The following PRKN variants were observed in gnomAD, a reference collection of about 807,000 sequenced individuals.
The protein encoded by PRKN is E3 ubiquitin-protein ligase parkin.
Under a neutral mutation model 59.5 loss-of-function variants are expected in PRKN, and 56 were observed. The observed-to-expected ratio is 0.94, with a 90% CI of 0.76 to 1.18. The LOEUF is 1.18. PRKN is among the 50% of genes most tolerant of loss of function. PRKN has a pLI of 0.00. For missense variants in PRKN, 657 were observed against 596.4 expected (o/e 1.10, Z -1.06); for synonymous variants, 250 against 222.1 (o/e 1.13, Z -1.12).
chr6:162,054,774 G>T (rs1172775942), intron 4 of PRKN, among the ~76,000 whole-genome samples: 1 of 152,204 alleles, frequency 6.6e-6, no homozygotes, highest in African/African-American at 2.4e-5. Flanking sequence ...CATTTAAAAT[G>T]AAATATCAGT....
chr6:162,176,788 T>C (rs1371643677), intron 4 of PRKN, among the ~76,000 whole-genome samples: 3 of 152,138 alleles, frequency 2.0e-5, no homozygotes, highest in South Asian at 2.1e-4. Context: ...CTATCTGCCA[T>C]AAATACGGCT....
chr6:162,675,206 C>T (rs1003820032), intron 1 of PRKN, among the ~76,000 whole-genome samples: 6 of 151,976 alleles, frequency 3.9e-5, no homozygotes, highest in African/African-American at 4.8e-5. Flanking sequence ...CACCACCACA[C>T]GCCTGGCTAA....
At chr6:161,889,207 G>A (rs976752111) in intron 6 of PRKN, among the ~76,000 whole-genome samples, 2 of 152,050 alleles carry the variant, frequency 1.3e-5, no homozygotes, top group Non-Finnish European at 2.9e-5. Flanking sequence ...GGGTATCTGA[G>A]GGTCACCGAA....
In PRKN at chr6:161,874,214, TATA is replaced by T. The variant is rs1304339543; in HGVS notation, c.735-88309_735-88307del. On this transcript the variant is annotated intron_variant, in intron 6 of 11. Transcript: ENST00000366898. ...TATATAATATATATTATATGTAAAA[TATA>T]ATATATATTATATATAATATATAAT... 1.8e-4 allele frequency among the ~76,000 whole-genome samples: 8 copies of T among 43,776 alleles called. 1 individual carries two copies. Among genetic ancestry groups the T allele is most frequent in the African/African-American group, 6.9e-4 (7 of 10,094 alleles). 28.7% of individuals were successfully genotyped at this position (43,776 alleles called of 152,430 possible). A position where few individuals can be genotyped will look rare whatever the true frequency, so the allele number is the denominator to read the frequency against.
chr6:162,432,732 G>A (rs1370876240), intron 2 of PRKN, among the ~76,000 whole-genome samples: 1 of 152,086 alleles, frequency 6.6e-6, no homozygotes, highest in Non-Finnish European at 1.5e-5. Context: ...GTCTTAGAAT[G>A]TATTTTCTCT....
intron 5 of PRKN, among the ~76,000 whole-genome samples, chr6:162,036,892 A>G (rs1783871234): frequency 6.6e-6 from 1 of 152,228 alleles, no homozygotes; most frequent in South Asian, 2.1e-4. Flanking sequence ...TAACCATAAT[A>G]GTAAGCAATA....
intron 7 of PRKN, among the ~76,000 whole-genome samples, chr6:161,755,419 T>C (rs1788874474): frequency 1.3e-5 from 2 of 152,114 alleles, no homozygotes; most frequent in South Asian, 2.1e-4. Flanking sequence ...GGAAAGTACT[T>C]GATAACTGTT....
chr6:161,742,046 T>C (rs1206691623), intron 7 of PRKN, among the ~76,000 whole-genome samples: 5 of 152,152 alleles, frequency 3.3e-5, no homozygotes, highest in Non-Finnish European at 7.3e-5. Context: ...CTTGGCACGC[T>C]GCAACCTCCG....
intron 4 of PRKN, among the ~76,000 whole-genome samples, chr6:162,125,546 C>G (rs910179712): frequency 8.5e-5 from 13 of 152,098 alleles, no homozygotes; most frequent in African/African-American, 2.9e-4. Context: ...GGTTAGAACA[C>G]GATTACCCCT....
intron 1 of PRKN, among the ~76,000 whole-genome samples, chr6:162,611,399 A>G (rs550404952): frequency 6.6e-6 from 1 of 152,236 alleles, no homozygotes; most frequent in Admixed American, 6.5e-5. Flanking sequence ...TCGAAAAACA[A>G]CATACAACTA....
intron 3 of PRKN, among the ~76,000 whole-genome samples, chr6:162,205,874 T>G (rs1784913588): frequency 6.6e-6 from 1 of 152,152 alleles, no homozygotes; most frequent in Non-Finnish European, 1.5e-5. Context: ...TAAATAGCTG[T>G]CTGTGGGTAG....
intron 4 of PRKN, among the ~76,000 whole-genome samples, chr6:162,109,312 T>C (rs545160132): frequency 1.3e-5 from 2 of 152,268 alleles, no homozygotes; most frequent in African/African-American, 4.8e-5. Flanking sequence ...TGGAAGAATA[T>C]ACAGAGAGAG....
chr6:162,170,164 C>A (rs1783204473), intron 4 of PRKN, among the ~76,000 whole-genome samples: 1 of 152,156 alleles, frequency 6.6e-6, no homozygotes, highest in Non-Finnish European at 1.5e-5. Context: ...TACTCTCTGT[C>A]TCCATACCCT....
chr6:161,953,016 C>T (rs978572993), intron 6 of PRKN, among the ~76,000 whole-genome samples: 4 of 152,192 alleles, frequency 2.6e-5, no homozygotes, highest in African/African-American at 9.7e-5. Context: ...TCATTGACTA[C>T]ACACAAATGT....
intron 6 of PRKN, among the ~76,000 whole-genome samples, chr6:161,815,700 G>A (rs923927384): frequency 1.3e-5 from 2 of 152,196 alleles, no homozygotes; most frequent in Admixed American, 1.3e-4. Flanking sequence ...GAGTGGCCAG[G>A]CCCTGGTTCA....
intron 9 of PRKN, among the ~76,000 whole-genome samples, chr6:161,437,117 A>C (rs1484234735): frequency 1.3e-5 from 2 of 152,140 alleles, no homozygotes; most frequent in Non-Finnish European, 2.9e-5. Flanking sequence ...TTAACTTATA[A>C]ATTAAGCAAA....
intron 2 of PRKN, among the ~76,000 whole-genome samples, chr6:162,288,213 C>T (rs1333626410): frequency 6.6e-6 from 1 of 152,186 alleles, no homozygotes; most frequent in Admixed American, 6.5e-5. Context: ...TCCTCATCCT[C>T]ATCTTAAATG....
intron 6 of PRKN, among the ~76,000 whole-genome samples, chr6:161,900,910 T>TTATATATA (rs377407497): frequency 0.039 from 5,402 of 138,656 alleles, 271 homozygotes; most frequent in East Asian, 0.25. Flanking sequence ...ATATGTTAAA[T>TTATATATA]TGTATATATA....
intron 7 of PRKN, among the ~76,000 whole-genome samples, chr6:161,658,205 AT>A (rs34255746): frequency 0.28 from 42,842 of 150,862 alleles, 6,549 homozygotes; most frequent in African/African-American, 0.41. Context: ...ATTAAATTGT[AT>A]TTTTTTTTCA....
Sources: gnomAD v4.1 joint callset for allele counts (sites outside exome capture counted in the v4.1 genomes callset) on GRCh38, gnomAD v4.1.1 for gene constraint, MANE v1.5 for transcripts, NCBI Gene and HGNC (gene_info 2026-07-23, HGNC 2026-07-21) for gene names.